The following RSPRY1 variants were observed in gnomAD, a reference collection of about 807,000 sequenced individuals.
RSPRY1 encodes RING finger and SPRY domain-containing protein 1.
Under a neutral mutation model 73.1 loss-of-function variants are expected in RSPRY1, and 23 were observed. The observed-to-expected ratio is 0.31, with a 90% CI of 0.23 to 0.45. The LOEUF is 0.45. Among genes scored for constraint, RSPRY1 ranks in the 20% least tolerant of loss-of-function variants. RSPRY1 has a pLI of 1.00. For synonymous variants in RSPRY1, 226 were observed against 251.4 expected, an observed-to-expected ratio of 0.90 and a Z score of 0.95; for missense variants, 448 against 698.7, an observed-to-expected ratio of 0.64 and a Z score of 4.05.
At chr16:57,225,274 T>C (rs763190098) in intron 10 of RSPRY1, among the ~76,000 whole-genome samples, 9 of 152,228 alleles carry the variant, frequency 5.9e-5, no homozygotes, top group Non-Finnish European at 1.2e-4. Context: ...TTGGCCAGGC[T>C]GGTCTCAAAT....
At chr16:57,197,709 T>G (rs900513704) in intron 1 of RSPRY1, among the ~76,000 whole-genome samples, 20 of 152,190 alleles carry the variant, frequency 1.3e-4, no homozygotes, top group African/African-American at 4.1e-4. Context: ...TCAGTTTTTG[T>G]TTTTTGTTTT....
At chr16:57,218,602 C>T (rs934303436) in intron 8 of RSPRY1, among the ~76,000 whole-genome samples, 12 of 151,866 alleles carry the variant, frequency 7.9e-5, no homozygotes, top group African/African-American at 2.2e-4. Context: ...TCTTTCTGTG[C>T]CTGACTTATT....
At chr16:57,208,012 C>T (rs759790956) in intron 2 of RSPRY1, 46 bp from the exon 3 acceptor site, 13 of 1,185,502 alleles carry the variant, frequency 1.1e-5, no homozygotes, top group Non-Finnish European at 1.4e-5. Flanking sequence ...TTGGAATTGT[C>T]ATTTATTATT....
At position 57,226,314 on chromosome 16, in the gene RSPRY1, C is replaced by T. The variant is rs116054461; in HGVS notation, c.1162-1028C>T. On this transcript the variant is annotated intron_variant, in intron 10 of 14. Transcript: ENST00000394420. ...CCCAAGAGAGGGTTTTTGGACCTCG[C>T]GCAAGAAAGAATTTGGGGCGAATCC... 7.4e-3 allele frequency among the ~76,000 whole-genome samples: 1,128 copies of T among 152,176 alleles called. 12 individuals carry two copies. Among genetic ancestry groups the T allele is most frequent in the African/African-American group, 0.025 (1,050 of 41,516 alleles).
chr16:57,200,798 C>A (rs1307438023), intron 1 of RSPRY1, among the ~76,000 whole-genome samples: 13 of 143,716 alleles, frequency 9.0e-5, no homozygotes, highest in Non-Finnish European at 1.4e-4. Context: ...GCTGGCCCCC[C>A]CCACATCCTT....
intron 2 of RSPRY1, among the ~76,000 whole-genome samples, chr16:57,206,167 G>T (rs775200128): frequency 4.6e-5 from 7 of 152,178 alleles, no homozygotes; most frequent in Non-Finnish European, 1.0e-4. Context: ...CTTTTGAGAG[G>T]CTGAGGTAGA....
intron 1 of RSPRY1, among the ~76,000 whole-genome samples, chr16:57,187,412 G>A (rs1477886666): frequency 2.0e-5 from 3 of 152,188 alleles, no homozygotes; most frequent in Non-Finnish European, 4.4e-5. Flanking sequence ...CTGGAGTGTT[G>A]TACTTTGAAC....
intron 10 of RSPRY1, 96 bp from the exon 11 acceptor site, chr16:57,227,246 C>A: frequency 1.3e-6 from 1 of 785,688 alleles, no homozygotes; most frequent in Non-Finnish European, 2.2e-6. Flanking sequence ...AGCTTAGAAT[C>A]CCAGCCATTA....
At position 57,216,684 on chromosome 16, in the gene RSPRY1, C is replaced by T. The variant is rs570657191; in HGVS notation, c.770-220C>T. Among the ~76,000 whole-genome samples the T allele has an allele frequency of 4.0e-3, 604 of 152,258 alleles. 4 individuals are homozygous for T. Among genetic ancestry groups the T allele is most frequent in the Middle Eastern group, 0.01 (3 of 294 alleles). On this transcript the variant is annotated intron_variant, in intron 7 of 14. Coordinates refer to ENST00000394420, the MANE Select transcript of RSPRY1 (RefSeq NM_133368.3). ...ACAGTGATCCATAGTTGTGCCACTG[C>T]ACTCCAGCCTAGGCAACAGAGTGAG... is the stretch of plus-strand genomic sequence containing the variant.
At position 57,213,029 on chromosome 16, in the gene RSPRY1, G is replaced by A. The variant is rs1225806100; in HGVS notation, c.574G>A (p.Asp192Asn). 6.2e-7 allele frequency: 1 copy of A among 1,613,936 alleles called. No homozygotes were observed. Among genetic ancestry groups the A allele is most frequent in the African/African-American group, 1.3e-5 (1 of 74,894 alleles). ...LNLNGEVACQDSSHPAKHRNT... is the reference protein window; with the variant it reads ...LNLNGEVACQNSSHPAKHRNT... ...TTTAAATGGAGAAGTAGCTTGCCAG[G>A]ACTCAAGCCATCCTGCCAAACACAG... The change falls in exon 5 of 15, where the codon GAC becomes AAC. Residue 192 changes from aspartate (D) to asparagine (N), a missense_variant. By Grantham distance (23) the Asp-to-Asn change is conservative (BLOSUM62 1). Coordinates refer to ENST00000394420, the MANE Select transcript of RSPRY1 (RefSeq NM_133368.3).
At chr16:57,192,135 A>AATACATATTAGGGTCTAATAC (rs1383450039) in intron 1 of RSPRY1, among the ~76,000 whole-genome samples, 10 of 152,396 alleles carry the variant, frequency 6.6e-5, no homozygotes, top group Admixed American at 2.0e-4. Flanking sequence ...TCTAATAAGT[A>AATACATATTAGGGTCTAATAC]TCCAAATGAG....
intron 13 of RSPRY1, among the ~76,000 whole-genome samples, chr16:57,233,314 C>G (rs936848521): frequency 1.3e-5 from 2 of 152,146 alleles, no homozygotes; most frequent in South Asian, 4.1e-4. Context: ...CTCTCAGCTA[C>G]AAGTCATCCA....
intron 1 of RSPRY1, among the ~76,000 whole-genome samples, chr16:57,202,878 T>TATATATATATATA (rs2074646964): frequency 1.5e-5 from 2 of 131,636 alleles, no homozygotes; most frequent in Non-Finnish European, 1.6e-5. Flanking sequence ...TTACATATGA[T>TATATATATATATA]TATATATATA....
intron 6 of RSPRY1, among the ~76,000 whole-genome samples, 176 bp downstream of exon 6, chr16:57,214,122 G>A (rs1189336360): frequency 2.0e-5 from 3 of 152,196 alleles, no homozygotes; most frequent in Non-Finnish European, 2.9e-5. Flanking sequence ...GTTTAAAAAA[G>A]AGAGTGGGAT....
At chr16:57,205,269 G>A in intron 2 of RSPRY1, 1 of 430,528 alleles carries the variant, frequency 2.3e-6, no homozygotes, top group Non-Finnish European at 4.3e-6. Context: ...CTTTATTAGA[G>A]AATAGAGTAA....
rs112384035 is a variant in RSPRY1 at position 57,232,170 on chromosome 16, C to T, written c.1529+851C>T. ...ATACTGGCCATGACATAGCTAATGTCGGACTGGTATGCCCCTGAAGATATC... is the reference window on the plus strand; with the variant it reads ...ATACTGGCCATGACATAGCTAATGTTGGACTGGTATGCCCCTGAAGATATC... On this transcript the variant is annotated intron_variant, in intron 13 of 14. Coordinates refer to ENST00000394420, the MANE Select transcript of RSPRY1 (RefSeq NM_133368.3). Among the ~76,000 whole-genome samples, 47 of 152,264 alleles carry T rather than the reference C, an allele frequency of 3.1e-4. No individual in the cohort carries two copies. The East Asian group carries it at 6.7e-3, about 22-fold the overall frequency.
intron 1 of RSPRY1, among the ~76,000 whole-genome samples, chr16:57,203,189 G>A (rs1309325866): frequency 2.0e-5 from 3 of 152,030 alleles, no homozygotes; most frequent in Admixed American, 6.5e-5. Flanking sequence ...CCAGTTACTC[G>A]AGAGGCTGAG....
At chr16:57,198,107 C>T (rs1293481849) in intron 1 of RSPRY1, among the ~76,000 whole-genome samples, 2 of 151,934 alleles carry the variant, frequency 1.3e-5, no homozygotes, top group Non-Finnish European at 2.9e-5. Flanking sequence ...CTAAATGGGC[C>T]GGGCACGGTG....
chr16:57,212,946 A>G (rs371813417), intron 4 of RSPRY1, 26 bp from the exon 5 acceptor site: 47 of 1,611,748 alleles, frequency 2.9e-5, no homozygotes, highest in Non-Finnish European at 3.3e-5. Flanking sequence ...ATATGGGTCA[A>G]ACCCACTTGT....
Sources: allele counts gnomAD v4.1 joint callset (sites outside exome capture counted in the v4.1 genomes callset), GRCh38; gene constraint gnomAD v4.1.1; transcripts MANE v1.5; gene names NCBI Gene and HGNC (gene_info 2026-07-23, HGNC 2026-07-21).